KAZN: variants seen among roughly 807,000 people sequenced by gnomAD.
The protein encoded by KAZN is kazrin, periplakin interacting protein, also known as kazrin.
KAZN carries 40 observed loss-of-function variants against 87.4 expected under a neutral mutation model. The observed-to-expected ratio is 0.46, with a 90% CI of 0.36 to 0.60. The LOEUF is 0.60. KAZN is among the 20% of genes least tolerant of loss of function. The probability of loss-of-function intolerance (pLI) is 0.00; values close to 1 mark genes in which losing one functional copy is unlikely to be tolerated. For missense variants in KAZN, 898 were observed against 1,073.9 expected, an observed-to-expected ratio of 0.84 and a Z score of 2.29; for synonymous variants, 466 against 458.3, an observed-to-expected ratio of 1.02 and a Z score of -0.22.
At chr1:14,706,083 G>A (rs1258997551) in intron 1 of KAZN, among the ~76,000 whole-genome samples, 1 of 152,102 alleles carries the variant, frequency 6.6e-6, no homozygotes, top group Non-Finnish European at 1.5e-5. Flanking sequence ...ACCCTCTTGT[G>A]AACTGTGCAT....
intron 1 of KAZN, among the ~76,000 whole-genome samples, chr1:14,959,959 G>C (rs1434641891): frequency 6.6e-6 from 1 of 152,204 alleles, no homozygotes; most frequent in Non-Finnish European, 1.5e-5. Context: ...GGGCCTCACT[G>C]TATGTAGGGT....
intron 1 of KAZN, among the ~76,000 whole-genome samples, chr1:13,962,258 G>A (rs933127281): frequency 3.3e-5 from 5 of 152,080 alleles, no homozygotes; most frequent in Admixed American, 2.0e-4. Context: ...TAGGGGGGTC[G>A]GGGCGGAGCA....
At position 14,814,220 on chromosome 1, in the gene KAZN, T is replaced by TG. The variant is rs200053960; in HGVS notation, c.227-146464_227-146463insG. On this transcript the variant is annotated intron_variant, in intron 1 of 14. Coordinates refer to ENST00000376030, the MANE Select transcript of KAZN (RefSeq NM_201628.3). ...TGACACATGGTCAAAGACTGGATCT[T>TG]TTTTATTATTATTATTACTTTTTTG... Among the ~76,000 whole-genome samples the TG allele has an allele frequency of 3.2e-4, 48 of 150,712 alleles. No homozygotes were observed. In the East Asian group the frequency reaches 7.7e-3, roughly 24 times the overall value.
intron 2 of KAZN, among the ~76,000 whole-genome samples, chr1:14,421,012 G>A (rs1429604300): frequency 5.9e-5 from 9 of 152,004 alleles, no homozygotes; most frequent in South Asian, 2.1e-4. Context: ...CTCCTCAAGC[G>A]CGGCCAGAGT....
chr1:14,978,164 GACC>G lies in KAZN; in HGVS notation c.418+17290_418+17292del, dbSNP rs560694140. ...CCAGCTGGGGCTGGTTCTTGCTAAAGACCTCTTTCTTTCCTTGGGCACATGCTT... is the reference window on the plus strand; with the variant it reads ...CCAGCTGGGGCTGGTTCTTGCTAAAGTCTTTCTTTCCTTGGGCACATGCTT... On this transcript the variant is annotated intron_variant, in intron 2 of 14. Coordinates refer to ENST00000376030, the MANE Select transcript of KAZN (RefSeq NM_201628.3). Among the ~76,000 whole-genome samples, 814 of 152,260 alleles carry G rather than the reference GACC, an allele frequency of 5.3e-3. 5 individuals carry two copies. Among genetic ancestry groups the G allele is most frequent in the South Asian group, 0.012 (58 of 4,812 alleles).
chr1:14,403,369 GAGTTCTTAGTAA>G (rs1663576957), intron 2 of KAZN, among the ~76,000 whole-genome samples: 1 of 151,614 alleles, frequency 6.6e-6, no homozygotes, highest in Non-Finnish European at 1.5e-5. Context: ...GCTCAGCCAA[GAGTTCTTAGTAA>G]AGATCCCTTT....
intron 1 of KAZN, among the ~76,000 whole-genome samples, chr1:14,118,454 CTT>C (rs1644677973): frequency 6.6e-6 from 1 of 152,188 alleles, no homozygotes; most frequent in South Asian, 2.1e-4. Context: ...GCATCCAACT[CTT>C]TTACTTCTTT....
chr1:14,278,455 A>G (rs2100706093), intron 2 of KAZN, among the ~76,000 whole-genome samples: 1 of 151,568 alleles, frequency 6.6e-6, no homozygotes, highest in African/African-American at 2.4e-5. Flanking sequence ...ATGCCCAGCT[A>G]ATTTTTGTAT....
At chr1:14,858,501 C>T (rs971041709) in intron 1 of KAZN, among the ~76,000 whole-genome samples, 2 of 152,148 alleles carry the variant, frequency 1.3e-5, no homozygotes, top group African/African-American at 2.4e-5. Context: ...GCGTGAGCCA[C>T]CGCACCTGGC....
chr1:14,541,676 T>G (rs1672822127), intron 2 of KAZN, among the ~76,000 whole-genome samples: 2 of 152,242 alleles, frequency 1.3e-5, no homozygotes, highest in South Asian at 4.1e-4. Flanking sequence ...AAAGCTTCGT[T>G]GCTATCTGAG....
chr1:14,815,867 G>T (rs10927557), intron 1 of KAZN, among the ~76,000 whole-genome samples: 49,494 of 151,754 alleles, frequency 0.33, 9,168 homozygotes, highest in East Asian at 0.53. Flanking sequence ...CTGGGTTCTG[G>T]GCAGATAAAG....
Position 15,081,928 on chromosome 1 carries a change from TA to T in KAZN, c.1223-12245del, listed in dbSNP as rs1377917608. Among the ~76,000 whole-genome samples, 1 of 152,006 alleles carries T rather than the reference TA, an allele frequency of 6.6e-6. No individual in the cohort carries two copies. The highest frequency in any genetic ancestry group is 2.4e-5 in the African/African-American group (1 of 41,368). ...AGGTCCCTGGGAAGATACCATTTTTTAAAAAAATTTCCTCTGGGCTTGAAGA... is the reference window on the plus strand; with the variant it reads ...AGGTCCCTGGGAAGATACCATTTTTTAAAAAATTTCCTCTGGGCTTGAAGA... On this transcript the variant is annotated intron_variant, in intron 8 of 14. Transcript: ENST00000376030. This position sits in a 1 kb window ranked among gnomAD's most constrained non-coding sequence, Gnocchi z 4.1.
intron 2 of KAZN, among the ~76,000 whole-genome samples, chr1:14,349,966 C>T (rs555764455): frequency 1.3e-5 from 2 of 151,882 alleles, no homozygotes; most frequent in African/African-American, 2.4e-5. Flanking sequence ...GAAAACCCGT[C>T]CCTACTGAAA....
intron 2 of KAZN, among the ~76,000 whole-genome samples, chr1:14,993,426 G>A (rs528675733): frequency 1.3e-5 from 2 of 151,734 alleles, no homozygotes; most frequent in Non-Finnish European, 2.9e-5. Flanking sequence ...CCAAGATCAC[G>A]CCATTGCACT....
At chr1:14,774,305 C>G (rs4661525) in intron 1 of KAZN, among the ~76,000 whole-genome samples, 36,212 of 151,836 alleles carry the variant, frequency 0.24, 4,769 homozygotes, top group East Asian at 0.6. Context: ...GATCATAATG[C>G]CAACCCCACA....
At chr1:14,050,073 T>C (rs1390136057) in intron 1 of KAZN, among the ~76,000 whole-genome samples, 2 of 148,644 alleles carry the variant, frequency 1.3e-5, no homozygotes, top group Non-Finnish European at 3.0e-5. Context: ...GGGCATGCAT[T>C]GCACATGCCT....
chr1:14,711,012 C>A (rs1301620911), intron 1 of KAZN, among the ~76,000 whole-genome samples: 1 of 151,178 alleles, frequency 6.6e-6, no homozygotes, highest in Non-Finnish European at 1.5e-5. Flanking sequence ...GGCAAGATAC[C>A]ACTATCTCCA....
At chr1:14,724,448 C>T (rs1341222598) in intron 1 of KAZN, among the ~76,000 whole-genome samples, 2 of 152,166 alleles carry the variant, frequency 1.3e-5, no homozygotes, top group African/African-American at 2.4e-5. Context: ...GCCTTAATTC[C>T]ATGAATACAA....
rs372605550 is a variant in KAZN at position 14,735,717 on chromosome 1, G to A, written c.226+136494G>A. 3.3e-5 allele frequency among the ~76,000 whole-genome samples: 5 copies of A among 152,176 alleles called. No homozygotes were observed. Among genetic ancestry groups the A allele is most frequent in the South Asian group, 2.1e-4 (1 of 4,830 alleles). On this transcript the variant is annotated intron_variant, in intron 1 of 14. Coordinates refer to ENST00000376030, the MANE Select transcript of KAZN (RefSeq NM_201628.3). This position sits in a 1 kb window ranked among gnomAD's most constrained non-coding sequence, Gnocchi z 4.3. ...CCGACCTGTTCCAGATTTCCAAAGC[G>A]GCATGCCGGGTAATAGCCACTCTTG...
Sources: gnomAD v4.1 joint callset for allele counts (sites outside exome capture counted in the v4.1 genomes callset) on GRCh38, gnomAD v4.1.1 for gene constraint, Gnocchi (gnomAD v3.1) non-coding constraint, MANE v1.5 for transcripts, NCBI Gene and HGNC (gene_info 2026-07-23, HGNC 2026-07-21) for gene names.